Variants in NBAS observed in about 807,000 individuals in gnomAD.
NBAS encodes the protein NBAS subunit of NRZ tethering complex.
Under a neutral mutation model 302.5 loss-of-function variants are expected in NBAS, and 219 were observed. The observed-to-expected ratio is 0.72, with a 90% CI of 0.65 to 0.81. The LOEUF (loss-of-function observed/expected upper bound fraction) is 0.81, where lower values mean the gene tolerates loss of function less well. Among genes scored for constraint, NBAS ranks in the 30% least tolerant of loss-of-function variants. NBAS has a pLI of 0.00. For missense variants in NBAS, 2,932 were observed against 2,841.6 expected, an observed-to-expected ratio of 1.03 and a Z score of -0.72; for synonymous variants, 1,118 against 1,021.6, an observed-to-expected ratio of 1.09 and a Z score of -1.80.
chr2:15,237,771 A>ATTTT (rs765648566), intron 45 of NBAS, among the ~76,000 whole-genome samples: 21 of 66,542 alleles, frequency 3.2e-4, no homozygotes, highest in East Asian at 7.3e-4. Context: ...TAATGTTTGT[A>ATTTT]TTTTTTTTTT....
At chr2:15,259,337 T>G (rs1293191236) in intron 44 of NBAS, among the ~76,000 whole-genome samples, 1 of 152,184 alleles carries the variant, frequency 6.6e-6, no homozygotes, top group African/African-American at 2.4e-5. Context: ...CCTGCATTAA[T>G]ACGCTTGACC....
intron 48 of NBAS, among the ~76,000 whole-genome samples, chr2:15,195,931 C>A (rs1386182368): frequency 6.6e-6 from 1 of 152,228 alleles, no homozygotes; most frequent in African/African-American, 2.4e-5. Flanking sequence ...AGCATGTGGA[C>A]AGCTCATGCC....
chr2:14,792,481 A>C, the NBAS span, among the ~76,000 whole-genome samples: 1 of 152,160 alleles, frequency 6.6e-6, no homozygotes, highest in African/African-American at 2.4e-5. Context: ...GGGAGGGAGT[A>C]TCATATTACA....
At chr2:15,259,110 C>T (rs894491582) in intron 44 of NBAS, among the ~76,000 whole-genome samples, 28 of 152,110 alleles carry the variant, frequency 1.8e-4, no homozygotes, top group African/African-American at 6.5e-4. Flanking sequence ...CAAATATATG[C>T]TGCAATAATT....
In NBAS at chr2:15,397,379, C is replaced by T. The variant is rs1198099568; in HGVS notation, c.3072-904G>A. On this transcript the variant is annotated intron_variant, in intron 26 of 51. Coordinates refer to ENST00000281513, the MANE Select transcript of NBAS (RefSeq NM_015909.4). ...TTTTATTTTTTTTTCAGTACAATTTCCATTGTATTTTTCTCCAGAGAATAA... is the reference window on the plus strand; with the variant it reads ...TTTTATTTTTTTTTCAGTACAATTTTCATTGTATTTTTCTCCAGAGAATAA... 6 of 281,126 alleles carry T rather than the reference C, an allele frequency of 2.1e-5. No individual in the cohort carries two copies. In the Admixed American group the frequency reaches 2.4e-4, roughly 11 times the overall value. The allele number at this position is 281,126 out of a possible 1,614,324, so 17.4% of individuals were successfully genotyped here.
chr2:14,918,418 A>G, the NBAS span, among the ~76,000 whole-genome samples: 2 of 152,176 alleles, frequency 1.3e-5, no homozygotes, highest in African/African-American at 2.4e-5. Context: ...AATATCATAA[A>G]AGGGTTTGGA....
intron 10 of NBAS, among the ~76,000 whole-genome samples, chr2:15,507,969 C>T (rs867733119): frequency 1.1e-4 from 16 of 139,694 alleles, no homozygotes; most frequent in African/African-American, 4.4e-4. Context: ...TCAATACCTA[C>T]ACCAAGACAA....
At chr2:14,816,367 T>C in the NBAS span, among the ~76,000 whole-genome samples, 2 of 152,212 alleles carry the variant, frequency 1.3e-5, no homozygotes, top group African/African-American at 4.8e-5. Context: ...ATGCTCCTTA[T>C]GAGAATCTAA....
intron 12 of NBAS, among the ~76,000 whole-genome samples, chr2:15,486,540 T>A (rs1325348547): frequency 1.3e-5 from 2 of 152,152 alleles, no homozygotes; most frequent in Non-Finnish European, 2.9e-5. Context: ...ACTCTCAGGG[T>A]ATTTGTTCAA....
chr2:15,529,998 T>G (rs1367356932), intron 9 of NBAS, among the ~76,000 whole-genome samples: 1 of 152,192 alleles, frequency 6.6e-6, no homozygotes, highest in African/African-American at 2.4e-5. Flanking sequence ...CATATCAACA[T>G]TCAACTATAT....
intron 44 of NBAS, among the ~76,000 whole-genome samples, chr2:15,265,994 C>A (rs1013067031): frequency 6.6e-6 from 1 of 152,112 alleles, no homozygotes; most frequent in Non-Finnish European, 1.5e-5. Context: ...TTGTAATAAC[C>A]CCCATGTGTC....
At chr2:15,253,260 G>C (rs2147992578) in intron 44 of NBAS, among the ~76,000 whole-genome samples, 2 of 152,262 alleles carry the variant, frequency 1.3e-5, no homozygotes, top group Admixed American at 1.3e-4. Context: ...TTTGGGAAAG[G>C]AGGGGGAATC....
the NBAS span, among the ~76,000 whole-genome samples, chr2:15,021,604 T>C: frequency 8.9e-3 from 1,357 of 152,206 alleles, 20 homozygotes; most frequent in African/African-American, 0.031. Flanking sequence ...GAGCTCATCC[T>C]AGAGCTAAGC....
chr2:15,132,896 C>T, the NBAS span, among the ~76,000 whole-genome samples: 106 of 150,672 alleles, frequency 7.0e-4, no homozygotes, highest in Non-Finnish European at 1.3e-3. Context: ...AAATTGTTAG[C>T]CATGGTTGCC....
intron 13 of NBAS, among the ~76,000 whole-genome samples, chr2:15,476,678 ACAC>A: frequency 6.6e-6 from 1 of 152,184 alleles, no homozygotes; most frequent in Non-Finnish European, 1.5e-5. Flanking sequence ...TGGTGCCACT[ACAC>A]TCCAGCCTGG....
the NBAS span, among the ~76,000 whole-genome samples, chr2:15,149,631 A>T: frequency 2.0e-5 from 3 of 151,974 alleles, no homozygotes; most frequent in Admixed American, 1.3e-4. Context: ...GACTATAGGC[A>T]TGTGCCACCA....
Position 15,238,451 on chromosome 2 carries a change from A to G in NBAS, c.5943+17T>C. The G allele has an allele frequency of 6.2e-7, 1 of 1,606,432 alleles. No individual in the cohort carries two copies. The highest frequency in any genetic ancestry group is 8.5e-7 in the Non-Finnish European group (1 of 1,172,988). ...TACTGATACAGAGTGAGCATATAGA[A>G]GTTCCCATTTCTTTACCTGCTCACT... is the stretch of plus-strand genomic sequence containing the variant. On this transcript the variant is annotated intron_variant, in intron 45 of 51. Transcript: ENST00000281513.
At chr2:15,209,476 A>G (rs1372813613) in intron 48 of NBAS, among the ~76,000 whole-genome samples, 11 of 152,138 alleles carry the variant, frequency 7.2e-5, no homozygotes, top group African/African-American at 2.7e-4. Context: ...AACCCAGACA[A>G]AGACACATTA....
chr2:14,824,551 G>C, the NBAS span, among the ~76,000 whole-genome samples: 4 of 152,104 alleles, frequency 2.6e-5, no homozygotes, highest in Non-Finnish European at 4.4e-5. Flanking sequence ...ACTTAGACAA[G>C]CAACAAGGGC....
Sources: gnomAD v4.1 joint callset for allele counts (sites outside exome capture counted in the v4.1 genomes callset) on GRCh38, gnomAD v4.1.1 for gene constraint, MANE v1.5 for transcripts, NCBI Gene and HGNC (gene_info 2026-07-23, HGNC 2026-07-21) for gene names.